The following DPP10 variants were observed in gnomAD, a reference collection of about 807,000 sequenced individuals.
DPP10 encodes inactive dipeptidyl peptidase 10.
In DPP10, 33 loss-of-function variants were observed where a neutral mutation model predicts 120.9. That is an observed-to-expected ratio of 0.27 (90% CI 0.21 to 0.37). The LOEUF (loss-of-function observed/expected upper bound fraction) is 0.37. DPP10 is among the 10% of genes least tolerant of loss of function. The pLI is 1.00. For synonymous variants in DPP10, 337 were observed against 326.1 expected (o/e 1.03, Z -0.36); for missense variants, 816 against 942.8 (o/e 0.87, Z 1.76).
At chr2:114,985,374 T>A (rs530553653) in intron 1 of DPP10, among the ~76,000 whole-genome samples, 9 of 152,304 alleles carry the variant, frequency 5.9e-5, no homozygotes, top group Admixed American at 5.9e-4. Flanking sequence ...CACATCACCA[T>A]ATTTATTTTC....
At chr2:115,412,969 C>A (rs1292557877) in intron 3 of DPP10, among the ~76,000 whole-genome samples, 1 of 152,092 alleles carries the variant, frequency 6.6e-6, no homozygotes, top group Non-Finnish European at 1.5e-5. Context: ...ATTTGTAATT[C>A]CCCTTTAAAT....
At chr2:114,818,922 C>T (rs1165224479) in intron 1 of DPP10, among the ~76,000 whole-genome samples, 1 of 152,140 alleles carries the variant, frequency 6.6e-6, no homozygotes, top group Admixed American at 6.5e-5. Flanking sequence ...CTTCAAGCAA[C>T]TATATGTTGA....
chr2:115,357,824 G>C (rs1233276499), intron 3 of DPP10, among the ~76,000 whole-genome samples: 1 of 152,132 alleles, frequency 6.6e-6, no homozygotes, highest in East Asian at 1.9e-4. Flanking sequence ...CTCAATTTTT[G>C]TTTTCTGTGC....
intron 3 of DPP10, among the ~76,000 whole-genome samples, chr2:115,479,358 G>A (rs2075289192): frequency 1.3e-5 from 2 of 152,122 alleles, no homozygotes; most frequent in Non-Finnish European, 2.9e-5. Flanking sequence ...ACTTAGAGCA[G>A]TCAAAATCAT....
At position 115,753,238 on chromosome 2, in the gene DPP10, C is replaced by T; in HGVS notation, c.1015C>T (p.Arg339Ter). The change falls in exon 11 of 26, where the codon CGA becomes TGA. Residue 339 changes from arginine (R) to a stop codon, truncating the protein, a stop_gained. Transcript: ENST00000410059. LOFTEE classifies it high-confidence loss of function. ...CAAGACTGTGGTAAGATGGTTAAAC[C>T]GAGCTCAGAACATCTCCATCCTCAC... ...NTKTVVRWLN[R>*]AQNISILTVC... is the part of the protein sequence containing the mutation. 5 of 1,611,604 alleles carry T rather than the reference C, an allele frequency of 3.1e-6. No homozygotes were observed. Among genetic ancestry groups the T allele is most frequent in the Non-Finnish European group, 4.2e-6 (5 of 1,178,436 alleles).
At chr2:115,767,848 TAAGTA>T (rs1680979447) in intron 12 of DPP10, among the ~76,000 whole-genome samples, 2 of 152,120 alleles carry the variant, frequency 1.3e-5, no homozygotes, top group African/African-American at 2.4e-5. Context: ...AATCTTCAAG[TAAGTA>T]CAGTTGCTGA....
intron 10 of DPP10, among the ~76,000 whole-genome samples, chr2:115,751,641 G>C (rs1678723470): frequency 6.6e-6 from 1 of 152,164 alleles, no homozygotes; most frequent in African/African-American, 2.4e-5. Context: ...AGAGGAAACA[G>C]TAGCTACTCG....
At chr2:115,057,519 C>T (rs1253442029) in intron 1 of DPP10, among the ~76,000 whole-genome samples, 1 of 152,110 alleles carries the variant, frequency 6.6e-6, no homozygotes, top group Non-Finnish European at 1.5e-5. Flanking sequence ...ACCAGAGGCT[C>T]AGTGGATTGC....
At chr2:115,603,770 C>G (rs565973131) in intron 5 of DPP10, among the ~76,000 whole-genome samples, 36 of 152,166 alleles carry the variant, frequency 2.4e-4, no homozygotes, top group African/African-American at 7.5e-4. Context: ...AGTCCACTGA[C>G]AAGATGTGAG....
intron 5 of DPP10, among the ~76,000 whole-genome samples, chr2:115,633,998 T>C (rs2086110724): frequency 6.6e-6 from 1 of 152,202 alleles, no homozygotes; most frequent in African/African-American, 2.4e-5. Flanking sequence ...TTCTTTTTTT[T>C]TCCTAATCTT....
intron 1 of DPP10, among the ~76,000 whole-genome samples, chr2:114,534,920 T>C (rs531493997): frequency 2.6e-5 from 4 of 152,290 alleles, no homozygotes; most frequent in African/African-American, 4.8e-5. Flanking sequence ...CCTTGAGGAT[T>C]TGAGGATTCT....
chr2:115,313,088 T>A (rs2061649771), intron 2 of DPP10, among the ~76,000 whole-genome samples: 1 of 152,104 alleles, frequency 6.6e-6, no homozygotes, highest in Non-Finnish European at 1.5e-5. Context: ...CCGGGCATGG[T>A]GGCATGCACC....
At position 115,722,997 on chromosome 2, in the gene DPP10, A is replaced by G. The variant is rs529794843; in HGVS notation, c.577-4819A>G. On this transcript the variant is annotated intron_variant, in intron 7 of 25. Transcript: ENST00000410059. The stretch of plus-strand genomic sequence containing the variant: ...CCGTCACCACTGCCACTGAGGTCCT[A>G]TTGCTGAGGCTGGTGTGCCAGAGCC... Among the ~76,000 whole-genome samples the G allele has an allele frequency of 3.9e-5, 6 of 152,264 alleles. No individual in the cohort carries two copies. The East Asian group carries it at 1.2e-3, about 29-fold the overall frequency.
chr2:115,671,638 T>A (rs980622065), intron 5 of DPP10, among the ~76,000 whole-genome samples: 1 of 152,116 alleles, frequency 6.6e-6, no homozygotes, highest in African/African-American at 2.4e-5. Flanking sequence ...AATTTATAAC[T>A]ATAATTGTAG....
At chr2:115,587,290 G>C (rs1290459710) in intron 5 of DPP10, among the ~76,000 whole-genome samples, 2 of 151,688 alleles carry the variant, frequency 1.3e-5, no homozygotes, top group East Asian at 3.9e-4. Flanking sequence ...AGTAGAGACT[G>C]GGTTTCACCA....
chr2:115,723,769 C>G (rs565458933), intron 7 of DPP10, among the ~76,000 whole-genome samples: 1 of 152,224 alleles, frequency 6.6e-6, no homozygotes, highest in East Asian at 1.9e-4. Context: ...ACAGTTTTCA[C>G]TGCATCCCTG....
At chr2:115,746,898 A>G (rs1322326739) in intron 10 of DPP10, among the ~76,000 whole-genome samples, 2 of 152,206 alleles carry the variant, frequency 1.3e-5, no homozygotes, top group African/African-American at 4.8e-5. Flanking sequence ...TTTTCACATT[A>G]TATTGAATGA....
At chr2:115,465,129 ATACT>A (rs1296060974) in intron 3 of DPP10, among the ~76,000 whole-genome samples, 1 of 152,128 alleles carries the variant, frequency 6.6e-6, no homozygotes, top group Non-Finnish European at 1.5e-5. Context: ...GTATTACTTA[ATACT>A]TACAATATAT....
intron 1 of DPP10, among the ~76,000 whole-genome samples, chr2:114,831,654 A>G (rs1192080932): frequency 6.6e-6 from 1 of 152,182 alleles, no homozygotes; most frequent in Non-Finnish European, 1.5e-5. Flanking sequence ...TTCTGCACGT[A>G]GTTTGCAAAA....
Sources: allele counts gnomAD v4.1 joint callset (sites outside exome capture counted in the v4.1 genomes callset), GRCh38; gene constraint gnomAD v4.1.1; transcripts MANE v1.5; gene names NCBI Gene and HGNC (gene_info 2026-07-23, HGNC 2026-07-21).